SPSB1: variants seen among roughly 807,000 people sequenced by gnomAD.
SPSB1 encodes the protein SPRY domain-containing SOCS box protein 1.
A neutral mutation model predicts 21.2 loss-of-function variants in SPSB1; 8 were observed. The ratio of observed to expected loss-of-function variants is 0.38; its 90% CI spans 0.22 to 0.68. The LOEUF (loss-of-function observed/expected upper bound fraction) is 0.68, where lower values mean the gene tolerates loss of function less well. Among genes scored for constraint, SPSB1 ranks in the 30% least tolerant of loss-of-function variants. SPSB1 has a pLI of 0.53. For missense variants in SPSB1, 242 were observed against 377.8 expected, an observed-to-expected ratio of 0.64 and a Z score of 2.98; for synonymous variants, 169 against 161.7, an observed-to-expected ratio of 1.05 and a Z score of -0.34.
At chr1:9,357,352 GATGGATAA>G (rs1160023125) in intron 2 of SPSB1, among the ~76,000 whole-genome samples, 2 of 152,212 alleles carry the variant, frequency 1.3e-5, no homozygotes, top group African/African-American at 2.4e-5. Context: ...CTAATGAATT[GATGGATAA>G]ATGGATAGAT....
intron 1 of SPSB1, among the ~76,000 whole-genome samples, chr1:9,351,278 C>T (rs1469583170): frequency 6.6e-6 from 1 of 152,248 alleles, no homozygotes; most frequent in Non-Finnish European, 1.5e-5. Context: ...CTGCCCTAGC[C>T]CAGACTTCCA....
At chr1:9,361,669 C>T (rs1156870070) in intron 2 of SPSB1, among the ~76,000 whole-genome samples, 3 of 152,254 alleles carry the variant, frequency 2.0e-5, no homozygotes, top group Admixed American at 6.5e-5. Context: ...CCACAGGCCC[C>T]GTGCTCTGAT....
intron 2 of SPSB1, among the ~76,000 whole-genome samples, chr1:9,357,444 A>C (rs1436287437): frequency 6.6e-6 from 1 of 152,202 alleles, no homozygotes; most frequent in Non-Finnish European, 1.5e-5. Context: ...AGTTGACCAA[A>C]TTCTAGCCCA....
chr1:9,327,419 TG>T (rs1048428452), intron 1 of SPSB1, among the ~76,000 whole-genome samples: 1 of 151,670 alleles, frequency 6.6e-6, no homozygotes, highest in African/African-American at 2.4e-5. Flanking sequence ...CTGCTGGAAA[TG>T]AGGTTCTGGG....
chr1:9,306,004 G>C (rs17033734), intron 1 of SPSB1, among the ~76,000 whole-genome samples: 9,617 of 152,276 alleles, frequency 0.063, 336 homozygotes, highest in Middle Eastern at 0.085. Flanking sequence ...TAACGTGGGA[G>C]AGGGGTTCGT....
intron 1 of SPSB1, among the ~76,000 whole-genome samples, chr1:9,344,991 G>T (rs1458655084): frequency 7.2e-5 from 11 of 152,192 alleles, no homozygotes; most frequent in African/African-American, 2.7e-4. Flanking sequence ...GCCTGGGTTT[G>T]GTCGGATCCC....
intron 1 of SPSB1, among the ~76,000 whole-genome samples, chr1:9,303,849 A>G (rs1312531074): frequency 6.6e-6 from 1 of 152,222 alleles, no homozygotes; most frequent in East Asian, 1.9e-4. Context: ...GACTAGACTA[A>G]GGAATACCTG....
chr1:9,318,206 A>G (rs1486414869), intron 1 of SPSB1, among the ~76,000 whole-genome samples: 19 of 152,216 alleles, frequency 1.2e-4, no homozygotes, highest in Admixed American at 1.2e-3. Flanking sequence ...CCGGAGGCCC[A>G]TGATGCCCCC....
chr1:9,330,809 C>T (rs1339570007), intron 1 of SPSB1, among the ~76,000 whole-genome samples: 2 of 151,912 alleles, frequency 1.3e-5, no homozygotes, highest in African/African-American at 2.4e-5. Flanking sequence ...CCGGATCGTA[C>T]GATCATTTTG....
Position 9,321,710 on chromosome 1 carries a change from C to G in SPSB1, c.-150+28639C>G, listed in dbSNP as rs976315378. 3.9e-5 allele frequency among the ~76,000 whole-genome samples: 6 copies of G among 151,974 alleles called. No homozygotes were observed. Among genetic ancestry groups the G allele is most frequent in the African/African-American group, 1.5e-4 (6 of 41,378 alleles). On this transcript the variant is annotated intron_variant, in intron 1 of 2. Transcript: ENST00000328089. This position sits in a 1 kb window ranked among gnomAD's most constrained non-coding sequence, Gnocchi z 4.8. ...CTGTAATGTGCCCTTGACTCCAGGACCAGCCTGATGGCAGAGATCTTAAGA... is the reference window on the plus strand; with the variant it reads ...CTGTAATGTGCCCTTGACTCCAGGAGCAGCCTGATGGCAGAGATCTTAAGA...
intron 1 of SPSB1, among the ~76,000 whole-genome samples, chr1:9,354,156 A>G (rs1360205358): frequency 6.6e-6 from 1 of 152,126 alleles, no homozygotes; most frequent in African/African-American, 2.4e-5. Flanking sequence ...CTGGCCCCAT[A>G]CTGAAGGGGG....
chr1:9,353,535 G>A lies in SPSB1; in HGVS notation c.-149-2208G>A, dbSNP rs115111091. The stretch of plus-strand genomic sequence containing the variant: ...AGGGCGGCCCTCTAGGCTGCAGAGG[G>A]GACACCTCAGCTCTGTAATGGCTTT... On this transcript the variant is annotated intron_variant, in intron 1 of 2. Coordinates refer to ENST00000328089, the MANE Select transcript of SPSB1 (RefSeq NM_025106.4). Among the ~76,000 whole-genome samples, 1,443 of 152,218 alleles carry A rather than the reference G, an allele frequency of 9.5e-3. 11 individuals carry two copies. Among genetic ancestry groups the A allele is most frequent in the African/African-American group, 0.033 (1,368 of 41,524 alleles).
At position 9,346,702 on chromosome 1, in the gene SPSB1, A is replaced by T. The variant is rs1278188362; in HGVS notation, c.-149-9041A>T. Among the ~76,000 whole-genome samples, 2 of 150,928 alleles carry T rather than the reference A, an allele frequency of 1.3e-5. No individual in the cohort carries two copies. Reference sequence around the variant, plus strand: ...TGCTCTCAGTGCCTCATTCCTCCTCACCTCCTCCTCTTCCCTGGCGTTGGT... The same window carrying T: ...TGCTCTCAGTGCCTCATTCCTCCTCTCCTCCTCCTCTTCCCTGGCGTTGGT... On this transcript the variant is annotated intron_variant, in intron 1 of 2. Transcript: ENST00000328089. This position sits in a 1 kb window ranked among gnomAD's most constrained non-coding sequence, Gnocchi z 4.4.
chr1:9,329,563 A>G (rs1639880017), intron 1 of SPSB1, among the ~76,000 whole-genome samples: 2 of 152,026 alleles, frequency 1.3e-5, no homozygotes, highest in South Asian at 2.1e-4. Context: ...GCACAGTGGC[A>G]TGCGCCTGTA....
chr1:9,351,234 T>A (rs1640254340), intron 1 of SPSB1, among the ~76,000 whole-genome samples: 1 of 152,258 alleles, frequency 6.6e-6, no homozygotes, highest in Non-Finnish European at 1.5e-5. Context: ...AGAAGTTTGC[T>A]GACCCCTGGT....
In SPSB1 at chr1:9,356,134, C is replaced by G; in HGVS notation, c.243C>G (p.Ala81=). ...TCATCTTTCACCGGCATCCGGTGGC[C>G]CAGAGCACGGACGCTATCAGGGGCA... ...DKLIFHRHPV[A]QSTDAIRGKV... is the part of the protein sequence containing the mutation. Residue 81 remains alanine (A), a synonymous_variant, in exon 2 of 3, where the codon GCC becomes GCG. Coordinates refer to ENST00000328089, the MANE Select transcript of SPSB1 (RefSeq NM_025106.4). This position sits in a 1 kb window ranked among gnomAD's most constrained non-coding sequence, Gnocchi z 7.4. 1 of 1,597,884 alleles carries G rather than the reference C, an allele frequency of 6.3e-7. No individual in the cohort carries two copies. The highest frequency in any genetic ancestry group is 8.6e-7 in the Non-Finnish European group (1 of 1,169,012).
chr1:9,343,206 G>A (rs1230577554), intron 1 of SPSB1, among the ~76,000 whole-genome samples: 1 of 152,078 alleles, frequency 6.6e-6, no homozygotes, highest in Non-Finnish European at 1.5e-5. Flanking sequence ...CCCTAAAAGA[G>A]GCTCGAGTCC....
At chr1:9,343,345 G>A (rs1640118518) in intron 1 of SPSB1, among the ~76,000 whole-genome samples, 1 of 148,586 alleles carries the variant, frequency 6.7e-6, no homozygotes, top group Non-Finnish European at 1.5e-5. Flanking sequence ...TCGTCGAAAG[G>A]GAATCGTACA....
chr1:9,344,073 C>T (rs970500105), intron 1 of SPSB1, among the ~76,000 whole-genome samples: 1 of 152,224 alleles, frequency 6.6e-6, no homozygotes, highest in African/African-American at 2.4e-5. Flanking sequence ...CAGGCGTGAG[C>T]CACCGCACCT....
Sources: allele counts gnomAD v4.1 joint callset (sites outside exome capture counted in the v4.1 genomes callset), GRCh38; gene constraint gnomAD v4.1.1; non-coding constraint Gnocchi (gnomAD v3.1); transcripts MANE v1.5; gene names NCBI Gene and HGNC (gene_info 2026-07-23, HGNC 2026-07-21).